The following PCDH11X variants were observed in gnomAD, a reference collection of about 807,000 sequenced individuals.
PCDH11X encodes protocadherin-11 X-linked.
PCDH11X carries 18 observed loss-of-function variants against 53.3 expected under a neutral mutation model. The ratio of observed to expected loss-of-function variants is 0.34; its 90% CI spans 0.23 to 0.50. The LOEUF (loss-of-function observed/expected upper bound fraction) is 0.50. PCDH11X is among the 20% of genes least tolerant of loss of function. The probability of loss-of-function intolerance (pLI) is 0.98; values close to 1 mark genes in which losing one functional copy is unlikely to be tolerated. For synonymous variants in PCDH11X, 279 were observed against 393.3 expected (o/e 0.71, Z 3.44); for missense variants, 570 against 1,032.4 (o/e 0.55, Z 6.14).
At chrX:91,830,895 G>C (rs1441638348) in intron 4 of PCDH11X, among the ~76,000 whole-genome samples, 3 of 111,411 alleles carry the variant, frequency 2.7e-5, no homozygotes, top group Admixed American at 1.9e-4. Flanking sequence ...TCTAGCATAT[G>C]ATTCAGTAAT....
rs1166258165 is a variant in PCDH11X at position 91,843,115 on chromosome X, A to G, written c.540+7071A>G. 2.3e-3 allele frequency among the ~76,000 whole-genome samples: 245 copies of G among 106,023 alleles called. 3 individuals carry two copies. Among genetic ancestry groups the G allele is most frequent in the Non-Finnish European group, 3.1e-3 (161 of 51,439 alleles). The allele number at this position is 106,023 out of a possible 115,157, so 92.1% of individuals were successfully genotyped here. A position where few individuals can be genotyped will look rare whatever the true frequency, so the allele number is the denominator to read the frequency against. ...TTAACACATATTTAATGAGTGCTCAATGTACAAAGTCTTGAGGGATAAAAA... is the reference window on the plus strand; with the variant it reads ...TTAACACATATTTAATGAGTGCTCAGTGTACAAAGTCTTGAGGGATAAAAA... On this transcript the variant is annotated intron_variant, in intron 5 of 10. Coordinates refer to ENST00000682573, the MANE Select transcript of PCDH11X (RefSeq NM_032968.5).
chrX:92,077,221 A>G (rs954847347), intron 6 of PCDH11X, among the ~76,000 whole-genome samples: 3 of 109,278 alleles, frequency 2.7e-5, no homozygotes, highest in African/African-American at 1.0e-4. Context: ...TAAACTTTGA[A>G]GGTAACCTGA....
At chrX:92,147,858 C>CTTTT (rs1556066520) in intron 6 of PCDH11X, among the ~76,000 whole-genome samples, 2 of 26,520 alleles carry the variant, frequency 7.5e-5, no homozygotes, top group Non-Finnish European at 7.5e-5. Flanking sequence ...TTTCTTTTTT[C>CTTTT]TTTTCTCTCT....
chrX:92,070,679 C>T (rs2063687152), intron 6 of PCDH11X, among the ~76,000 whole-genome samples: 1 of 111,490 alleles, frequency 9.0e-6, no homozygotes, highest in Non-Finnish European at 1.9e-5. Context: ...TATTCTGTAA[C>T]TTTCTTGTAC....
intron 7 of PCDH11X, among the ~76,000 whole-genome samples, chrX:92,262,136 TAAA>T (rs367800596): frequency 6.7e-5 from 7 of 104,586 alleles, no homozygotes; most frequent in Non-Finnish European, 1.4e-4. Flanking sequence ...AGCCACTGGA[TAAA>T]AAAAAAAATG....
intron 8 of PCDH11X, among the ~76,000 whole-genome samples, chrX:92,287,361 T>C (rs1376614473): frequency 9.0e-6 from 1 of 111,126 alleles, no homozygotes; most frequent in African/African-American, 3.3e-5. Context: ...TGACAGGCCC[T>C]GGTGTGTGTT....
At chrX:92,043,722 A>G (rs1273242480) in intron 6 of PCDH11X, among the ~76,000 whole-genome samples, 2 of 107,195 alleles carry the variant, frequency 1.9e-5, no homozygotes, top group Non-Finnish European at 3.8e-5. Flanking sequence ...AATTATGTGT[A>G]ACCGCCAGTG....
At position 91,966,994 on chromosome X, in the gene PCDH11X, C is replaced by G. The variant is rs368352024; in HGVS notation, c.3033+87721C>G. ...CTCCTCAACCCCCACCCCCCACCCC[C>G]CGACTGGCCCCAATGTGTGTTGTTC... On this transcript the variant is annotated intron_variant, in intron 6 of 10. Transcript: ENST00000682573. Among the ~76,000 whole-genome samples the G allele has an allele frequency of 8.0e-4, 71 of 88,302 alleles. No homozygotes were observed. The East Asian group carries it at 9.9e-3, about 12-fold the overall frequency. The allele number at this position is 88,302 out of a possible 115,157, so 76.7% of individuals were successfully genotyped here.
At chrX:92,029,922 G>A (rs772494314) in intron 6 of PCDH11X, among the ~76,000 whole-genome samples, 4 of 112,151 alleles carry the variant, frequency 3.6e-5, no homozygotes, top group South Asian at 3.7e-4. Context: ...CCAATAAGAC[G>A]CAAAGAGAAA....
intron 6 of PCDH11X, among the ~76,000 whole-genome samples, chrX:92,013,405 A>T (rs1421931472): frequency 1.8e-5 from 2 of 111,828 alleles, no homozygotes; most frequent in Non-Finnish European, 3.8e-5. Flanking sequence ...ATGGAAGAAC[A>T]TTCCATGTTC....
intron 8 of PCDH11X, among the ~76,000 whole-genome samples, chrX:92,323,559 T>G (rs1476955647): frequency 9.0e-6 from 1 of 110,915 alleles, no homozygotes; most frequent in African/African-American, 3.3e-5. Flanking sequence ...GCTTTCTTTT[T>G]TTTTAATTTA....
At chrX:92,144,937 GT>G (rs1188552920) in intron 6 of PCDH11X, among the ~76,000 whole-genome samples, 12 of 111,466 alleles carry the variant, frequency 1.1e-4, no homozygotes, top group Non-Finnish European at 2.1e-4. Context: ...AGTAAATTAT[GT>G]ATAAATGTCC....
chrX:92,471,582 G>A (rs2073264071), intron 10 of PCDH11X, among the ~76,000 whole-genome samples: 1 of 111,649 alleles, frequency 9.0e-6, no homozygotes, highest in African/African-American at 3.3e-5. Context: ...ATGCATGCGT[G>A]TGTCTTTATA....
intron 4 of PCDH11X, among the ~76,000 whole-genome samples, chrX:91,825,648 G>C (rs5984125): frequency 0.11 from 11,519 of 108,724 alleles, 1,963 homozygotes; most frequent in African/African-American, 0.38. Flanking sequence ...GCGTCGCTCA[G>C]GCTGGGAGCT....
At chrX:92,159,499 G>A (rs1370035011) in intron 6 of PCDH11X, among the ~76,000 whole-genome samples, 15 of 107,796 alleles carry the variant, frequency 1.4e-4, no homozygotes, top group Non-Finnish European at 2.9e-4. Flanking sequence ...TCCTGAGAAA[G>A]GGTTATGATA....
chrX:92,382,844 T>C (rs1185967234), intron 8 of PCDH11X, among the ~76,000 whole-genome samples: 9 of 104,496 alleles, frequency 8.6e-5, no homozygotes, highest in Non-Finnish European at 1.6e-4. Flanking sequence ...ACAACTTCTC[T>C]GCAGGGCTAC....
chrX:92,042,931 G>A (rs993478872), intron 6 of PCDH11X, among the ~76,000 whole-genome samples: 6 of 109,809 alleles, frequency 5.5e-5, no homozygotes, highest in African/African-American at 6.6e-5. Flanking sequence ...GAGCCACCGC[G>A]CCCGGCCGTT....
intron 9 of PCDH11X, among the ~76,000 whole-genome samples, chrX:92,415,573 T>G (rs2071789811): frequency 8.9e-6 from 1 of 111,772 alleles, no homozygotes; most frequent in South Asian, 3.7e-4. Context: ...GTCCAAAATA[T>G]GTCAGTATTC....
intron 6 of PCDH11X, among the ~76,000 whole-genome samples, chrX:92,094,173 G>C (rs866983586): frequency 1.4e-5 from 1 of 71,300 alleles, no homozygotes; most frequent in East Asian, 4.8e-4. Flanking sequence ...GTGTGTGTGT[G>C]TGTATATATA....
Sources: gnomAD v4.1 joint callset for allele counts (sites outside exome capture counted in the v4.1 genomes callset) on GRCh38, gnomAD v4.1.1 for gene constraint, MANE v1.5 for transcripts, NCBI Gene and HGNC (gene_info 2026-07-23, HGNC 2026-07-21) for gene names.